The following PXDNL variants were observed in gnomAD, a reference collection of about 807,000 sequenced individuals.
PXDNL encodes the protein peroxidasin like.
Under a neutral mutation model 150.8 loss-of-function variants are expected in PXDNL, and 145 were observed. The observed-to-expected ratio is 0.96, with a 90% confidence interval of 0.84 to 1.10. The LOEUF (loss-of-function observed/expected upper bound fraction) is 1.10. Ranked by LOEUF, PXDNL falls within the 50% of genes least tolerant of loss-of-function variation. PXDNL has a pLI of 0.00. For missense variants in PXDNL, 2,087 were observed against 1,873.9 expected (o/e 1.11, Z -2.10); for synonymous variants, 757 against 725.7 (o/e 1.04, Z -0.69).
At chr8:51,478,911 T>G (rs558570683) in intron 6 of PXDNL, among the ~76,000 whole-genome samples, 34 of 152,360 alleles carry the variant, frequency 2.2e-4, no homozygotes, top group African/African-American at 7.7e-4. Flanking sequence ...TCAAATCATC[T>G]GTATATCAGT....
intron 5 of PXDNL, among the ~76,000 whole-genome samples, chr8:51,494,476 C>T (rs1025206430): frequency 2.0e-5 from 3 of 152,078 alleles, no homozygotes; most frequent in Admixed American, 6.6e-5. Flanking sequence ...TTAAAAGACA[C>T]AGACTGGCAA....
intron 2 of PXDNL, among the ~76,000 whole-genome samples, chr8:51,614,303 G>C (rs1245644642): frequency 6.6e-6 from 1 of 152,096 alleles, no homozygotes; most frequent in Non-Finnish European, 1.5e-5. Flanking sequence ...AGGTTTCTTC[G>C]TACATAGTGA....
intron 1 of PXDNL, among the ~76,000 whole-genome samples, chr8:51,757,930 T>C (rs185383886): frequency 3.5e-4 from 54 of 152,276 alleles, no homozygotes; most frequent in African/African-American, 1.2e-3. Context: ...AATGTAATTG[T>C]ATCCAAAGAC....
At chr8:51,771,704 C>T (rs1203520782) in intron 1 of PXDNL, among the ~76,000 whole-genome samples, 1 of 152,052 alleles carries the variant, frequency 6.6e-6, no homozygotes, top group African/African-American at 2.4e-5. Flanking sequence ...AAGAGAGAAA[C>T]AGAGAAACAG....
At chr8:51,792,038 A>G (rs1483000026) in intron 1 of PXDNL, among the ~76,000 whole-genome samples, 4 of 152,244 alleles carry the variant, frequency 2.6e-5, no homozygotes, top group African/African-American at 9.6e-5. Context: ...ATACAAAAAA[A>G]GAAAATAAAT....
chr8:51,470,645 C>T (rs933244083), intron 8 of PXDNL, among the ~76,000 whole-genome samples: 1 of 151,956 alleles, frequency 6.6e-6, no homozygotes, highest in Non-Finnish European at 1.5e-5. Context: ...ATATACAAAC[C>T]AATGGAACAG....
At chr8:51,517,848 C>A (rs546073232) in intron 4 of PXDNL, among the ~76,000 whole-genome samples, 21 of 152,266 alleles carry the variant, frequency 1.4e-4, no homozygotes, top group African/African-American at 4.8e-4. Flanking sequence ...TTTAGCCCTT[C>A]TAAATTAACA....
At chr8:51,798,716 C>A (rs1330285247) in intron 1 of PXDNL, among the ~76,000 whole-genome samples, 2 of 152,046 alleles carry the variant, frequency 1.3e-5, no homozygotes, top group African/African-American at 4.8e-5. Context: ...AAACAGGAAC[C>A]TTTTTACACT....
intron 4 of PXDNL, among the ~76,000 whole-genome samples, chr8:51,545,232 A>T (rs1048632140): frequency 1.3e-5 from 2 of 152,198 alleles, no homozygotes; most frequent in African/African-American, 4.8e-5. Context: ...GAACTTTTTC[A>T]TATGCTAATT....
At chr8:51,353,153 A>G (rs1369671281) in intron 19 of PXDNL, among the ~76,000 whole-genome samples, 2 of 150,532 alleles carry the variant, frequency 1.3e-5, no homozygotes, top group Non-Finnish European at 3.0e-5. Context: ...TGTGTATATT[A>G]CTATGTATTA....
chr8:51,385,340 A>C (rs1422527770), intron 17 of PXDNL, among the ~76,000 whole-genome samples: 1 of 152,170 alleles, frequency 6.6e-6, no homozygotes, highest in Non-Finnish European at 1.5e-5. Flanking sequence ...AAGGAAAAAA[A>C]AAAAACACTT....
At chr8:51,320,739 T>TCGG in intron 22 of PXDNL, 45 bp downstream of exon 22, 30 of 1,381,832 alleles carry the variant, frequency 2.2e-5, no homozygotes, top group Non-Finnish European at 2.8e-5. Flanking sequence ...ACTGGCTGGC[T>TCGG]AGAAGTGAAA....
At chr8:51,753,584 T>C (rs951476542) in intron 1 of PXDNL, among the ~76,000 whole-genome samples, 3 of 152,266 alleles carry the variant, frequency 2.0e-5, no homozygotes, top group Admixed American at 1.3e-4. Context: ...AGTACTTTAA[T>C]CTGTGCATCG....
intron 1 of PXDNL, among the ~76,000 whole-genome samples, chr8:51,748,501 G>A (rs1365261621): frequency 6.6e-6 from 1 of 152,196 alleles, no homozygotes; most frequent in Non-Finnish European, 1.5e-5. Flanking sequence ...GGATGCCACT[G>A]CATTCCGACA....
At chr8:51,600,118 T>C (rs1003166472) in intron 2 of PXDNL, among the ~76,000 whole-genome samples, 3 of 145,278 alleles carry the variant, frequency 2.1e-5, no homozygotes, top group Non-Finnish European at 3.0e-5. Context: ...ATATAAATTA[T>C]ATCGTTTAGA....
chr8:51,687,238 CAG>C (rs1191283552), intron 1 of PXDNL, among the ~76,000 whole-genome samples: 1 of 152,114 alleles, frequency 6.6e-6, no homozygotes, highest in Non-Finnish European at 1.5e-5. Flanking sequence ...GCTATGAAAA[CAG>C]AAATTGTCAA....
intron 4 of PXDNL, among the ~76,000 whole-genome samples, chr8:51,548,577 C>T (rs1017833888): frequency 6.6e-6 from 1 of 152,066 alleles, no homozygotes; most frequent in Admixed American, 6.6e-5. Flanking sequence ...ATTATGTATC[C>T]AGCAAAACTA....
At chr8:51,577,517 A>G (rs1240639500) in intron 3 of PXDNL, among the ~76,000 whole-genome samples, 1 of 149,532 alleles carries the variant, frequency 6.7e-6, no homozygotes, top group African/African-American at 2.4e-5. Context: ...CAAGAGAGAG[A>G]AAACACAAGT....
At chr8:51,423,102 C>A (rs1260718123) in intron 14 of PXDNL, among the ~76,000 whole-genome samples, 3 of 152,180 alleles carry the variant, frequency 2.0e-5, no homozygotes, top group Admixed American at 2.0e-4. Context: ...ATTATGTTGG[C>A]CAATTATAAA....
Sources: allele counts gnomAD v4.1 joint callset (sites outside exome capture counted in the v4.1 genomes callset), GRCh38; gene constraint gnomAD v4.1.1; transcripts MANE v1.5; gene names NCBI Gene and HGNC (gene_info 2026-07-23, HGNC 2026-07-21).